The following UXS1 variants were observed in gnomAD, a reference collection of about 807,000 sequenced individuals.
The protein encoded by UXS1 is UDP-glucuronate decarboxylase 1.
UXS1 carries 33 observed loss-of-function variants against 62.6 expected under a neutral mutation model. The observed-to-expected ratio is 0.53, with a 90% CI of 0.40 to 0.70. The LOEUF (loss-of-function observed/expected upper bound fraction) is 0.70. Among genes scored for constraint, UXS1 ranks in the 30% least tolerant of loss-of-function variants. UXS1 has a pLI of 0.00. For missense variants in UXS1, 434 were observed against 556.3 expected (o/e 0.78, Z 2.21); for synonymous variants, 213 against 206.8 (o/e 1.03, Z -0.26).
In UXS1 at chr2:106,189,850, G is replaced by C. The variant is rs1331851180; in HGVS notation, c.94+4298C>G. On this transcript the variant is annotated intron_variant, in intron 1 of 14. Coordinates refer to ENST00000283148, the MANE Select transcript of UXS1 (RefSeq NM_001253875.2). The stretch of plus-strand genomic sequence containing the variant: ...CATGAAGGCAGAAAATATACTTATG[G>C]GTAAAGTCTCAGAATTCACTTCCCA... Among the ~76,000 whole-genome samples, 5 of 152,192 alleles carry C rather than the reference G, an allele frequency of 3.3e-5. No homozygotes were observed. In the East Asian group the frequency reaches 9.6e-4, roughly 29 times the overall value.
chr2:106,150,735 G>A (rs1040219873), intron 5 of UXS1, among the ~76,000 whole-genome samples: 3 of 152,196 alleles, frequency 2.0e-5, no homozygotes, highest in Non-Finnish European at 4.4e-5. Flanking sequence ...ACTCATTGCG[G>A]TGATACAGCT....
chr2:106,111,776 C>T (rs1487662761), intron 10 of UXS1, among the ~76,000 whole-genome samples: 2 of 152,214 alleles, frequency 1.3e-5, no homozygotes, highest in Admixed American at 6.5e-5. Flanking sequence ...CCCTGGAATA[C>T]ACTCAATTGA....
At chr2:106,158,036 C>A (rs1292964785) in intron 5 of UXS1, 22 bp downstream of exon 5, 1 of 1,536,886 alleles carries the variant, frequency 6.5e-7, no homozygotes, top group South Asian at 1.2e-5. Context: ...ATTACAAATA[C>A]TATTCAGGTG....
At chr2:106,129,646 C>T in intron 7 of UXS1, 28 bp downstream of exon 7, 1 of 1,551,690 alleles carries the variant, frequency 6.4e-7, no homozygotes, top group Non-Finnish European at 8.8e-7. Flanking sequence ...CCAGCAACAG[C>T]CAAAAAAACA....
At chr2:106,104,959 C>G (rs2104854387) in intron 10 of UXS1, 122 bp from the exon 11 acceptor site, 1 of 1,128,962 alleles carries the variant, frequency 8.9e-7, no homozygotes, top group Non-Finnish European at 1.3e-6. Context: ...GTGATGCTGA[C>G]TCAAAGCATC....
chr2:106,190,506 G>A (rs1425373633), intron 1 of UXS1, among the ~76,000 whole-genome samples: 1 of 152,190 alleles, frequency 6.6e-6, no homozygotes, highest in Non-Finnish European at 1.5e-5. Flanking sequence ...AGCACTTTGG[G>A]AGGCTGAGGT....
intron 9 of UXS1, among the ~76,000 whole-genome samples, chr2:106,122,118 C>T (rs1490167765): frequency 6.6e-6 from 1 of 152,244 alleles, no homozygotes; most frequent in African/African-American, 2.4e-5. Flanking sequence ...GACAGCATTG[C>T]TCCCAGAAAC....
chr2:106,143,347 T>G (rs1660844883), intron 6 of UXS1, among the ~76,000 whole-genome samples: 1 of 128,676 alleles, frequency 7.8e-6, no homozygotes, highest in African/African-American at 3.0e-5. Flanking sequence ...AGGCAGAGCT[T>G]GCAATGAGCT....
intron 1 of UXS1, among the ~76,000 whole-genome samples, chr2:106,174,907 G>C (rs1683785943): frequency 6.6e-6 from 1 of 152,198 alleles, no homozygotes; most frequent in Non-Finnish European, 1.5e-5. Context: ...TCCAAGGCCT[G>C]CATGACCTGT....
chr2:106,158,080 T>C lies in UXS1; in HGVS notation c.269A>G (p.Glu90Gly), dbSNP rs1221873733. ...QKYPPVKFLS[E>G]KDRKRILITG... ...TACCAAAATTCTTTTCCGATCCTTT[T>C]CTGATAAAAACTTTACTGGTGGGTA... is the stretch of plus-strand genomic sequence containing the variant. Residue 90 changes from glutamate to glycine, a missense_variant, in exon 5 of 15, where the codon GAA (glutamate) becomes GGA (glycine). Glu to Gly is a moderately conservative substitution (Grantham distance 98, BLOSUM62 -2). Coordinates refer to ENST00000283148, the MANE Select transcript of UXS1 (RefSeq NM_001253875.2). The C allele has an allele frequency of 6.4e-7, 1 of 1,567,536 alleles. No individual in the cohort carries two copies. The highest frequency in any genetic ancestry group is 2.3e-5 in the East Asian group (1 of 42,818).
At chr2:106,176,334 A>G (rs926892798) in intron 1 of UXS1, among the ~76,000 whole-genome samples, 1 of 152,348 alleles carries the variant, frequency 6.6e-6, no homozygotes, top group Admixed American at 6.5e-5. Context: ...GGCACAACTG[A>G]AATGTTTGCT....
chr2:106,126,664 A>G (rs1679982037), intron 7 of UXS1, among the ~76,000 whole-genome samples: 1 of 152,122 alleles, frequency 6.6e-6, no homozygotes, highest in Non-Finnish European at 1.5e-5. Flanking sequence ...TCCTGATTAA[A>G]TTTTTTGAGA....
At chr2:106,128,020 C>T (rs1271995648) in intron 7 of UXS1, among the ~76,000 whole-genome samples, 4 of 152,182 alleles carry the variant, frequency 2.6e-5, no homozygotes, top group African/African-American at 9.7e-5. Context: ...GAGGGTAACC[C>T]CATCTGAATC....
intron 1 of UXS1, among the ~76,000 whole-genome samples, chr2:106,179,164 G>C (rs73951247): frequency 0.037 from 5,578 of 152,124 alleles, 166 homozygotes; most frequent in African/African-American, 0.074. Context: ...CCAAATCAAG[G>C]CCAATCCCAA....
chr2:106,141,429 T>C lies in UXS1; in HGVS notation c.472+3761A>G, dbSNP rs1198211648. Among the ~76,000 whole-genome samples the C allele has an allele frequency of 2.0e-5, 3 of 152,376 alleles. No homozygotes were observed. The East Asian group carries it at 5.8e-4, about 29-fold the overall frequency. ...CTGAGAACTGGCAAGAGGAAGACTTTAACTTTACAGTTTTATCTTTTCCAT... is the reference window on the plus strand; with the variant it reads ...CTGAGAACTGGCAAGAGGAAGACTTCAACTTTACAGTTTTATCTTTTCCAT... On this transcript the variant is annotated intron_variant, in intron 6 of 14. Coordinates refer to ENST00000283148, the MANE Select transcript of UXS1 (RefSeq NM_001253875.2).
intron 1 of UXS1, among the ~76,000 whole-genome samples, chr2:106,189,640 G>A (rs931271062): frequency 6.6e-6 from 1 of 152,060 alleles, no homozygotes; most frequent in Middle Eastern, 3.2e-3. Context: ...CTGGGGGACA[G>A]GGGGCTGGAC....
At chr2:106,141,384 C>T (rs1681081098) in intron 6 of UXS1, among the ~76,000 whole-genome samples, 1 of 152,206 alleles carries the variant, frequency 6.6e-6, no homozygotes, top group Non-Finnish European at 1.5e-5. Flanking sequence ...AAAGGATCAA[C>T]AGCTGTTTCC....
intron 14 of UXS1, among the ~76,000 whole-genome samples, chr2:106,095,404 T>C (rs2104817649): frequency 6.6e-6 from 1 of 152,344 alleles, no homozygotes; most frequent in East Asian, 1.9e-4. Flanking sequence ...GCAGATTACG[T>C]AGACTTGTAC....
intron 4 of UXS1, among the ~76,000 whole-genome samples, 169 bp downstream of exon 4, chr2:106,163,498 A>T (rs1683029194): frequency 6.6e-6 from 1 of 152,220 alleles, no homozygotes; most frequent in Non-Finnish European, 1.5e-5. Context: ...ACACATCTAG[A>T]TTGATTCTTC....
Sources: gnomAD v4.1 joint callset for allele counts (sites outside exome capture counted in the v4.1 genomes callset) on GRCh38, gnomAD v4.1.1 for gene constraint, MANE v1.5 for transcripts, NCBI Gene and HGNC (gene_info 2026-07-23, HGNC 2026-07-21) for gene names.